Variants in ARSB observed in about 807,000 individuals in gnomAD.
The protein encoded by ARSB is arylsulfatase B.
Under a neutral mutation model 50.9 loss-of-function variants are expected in ARSB, and 41 were observed. The ratio of observed to expected loss-of-function variants is 0.81; its 90% CI spans 0.63 to 1.04. ARSB has a LOEUF of 1.04. ARSB is among the 50% of genes least tolerant of loss of function. The pLI, the probability that ARSB is intolerant of heterozygous loss-of-function variation, is 0.00. For synonymous variants in ARSB, 269 were observed against 284.8 expected (o/e 0.94, Z 0.56); for missense variants, 672 against 693.3 (o/e 0.97, Z 0.35).
intron 5 of ARSB, among the ~76,000 whole-genome samples, chr5:78,862,013 C>T (rs969670970): frequency 5.9e-5 from 9 of 152,152 alleles, no homozygotes; most frequent in Admixed American, 1.3e-4. Context: ...CTCCCATTCA[C>T]AATTGCTTCA....
intron 6 of ARSB, among the ~76,000 whole-genome samples, chr5:78,820,917 T>C (rs1464770742): frequency 6.6e-6 from 1 of 151,860 alleles, no homozygotes; most frequent in Non-Finnish European, 1.5e-5. Context: ...AGACAGATCA[T>C]TGACAGAAAA....
intron 4 of ARSB, among the ~76,000 whole-genome samples, chr5:78,936,229 A>G (rs1750594294): frequency 6.9e-6 from 1 of 145,168 alleles, no homozygotes; most frequent in South Asian, 2.2e-4. Context: ...GGTTCAAGCG[A>G]TTCTCCTGCC....
intron 5 of ARSB, among the ~76,000 whole-genome samples, chr5:78,861,764 G>A (rs751368617): frequency 6.6e-6 from 1 of 152,112 alleles, no homozygotes; most frequent in Non-Finnish European, 1.5e-5. Context: ...TCTGGTCAGG[G>A]CAATCAGGCA....
At chr5:78,891,860 T>C (rs16876048) in intron 4 of ARSB, among the ~76,000 whole-genome samples, 1 of 152,040 alleles carries the variant, frequency 6.6e-6, no homozygotes, top group African/African-American at 2.4e-5. Context: ...GGTCTAGGTG[T>C]TTTATGACCA....
intron 3 of ARSB, among the ~76,000 whole-genome samples, chr5:78,960,865 C>T (rs1253346441): frequency 6.6e-6 from 1 of 152,066 alleles, no homozygotes; most frequent in East Asian, 1.9e-4. Context: ...ACCCGGCTGA[C>T]GGGGGGCTGT....
rs58866633 is a variant in ARSB at position 78,864,760 on chromosome 5, G to A, written c.1142+20824C>T. 6.5e-3 allele frequency among the ~76,000 whole-genome samples: 984 copies of A among 152,314 alleles called. 7 individuals carry two copies. Among genetic ancestry groups the A allele is most frequent in the African/African-American group, 0.023 (944 of 41,566 alleles). On this transcript the variant is annotated intron_variant, in intron 5 of 7. Transcript: ENST00000264914. ...CTAGTTATTTCCTAAATACAAGGGG[G>A]ATACAGACATTGGGTAAATCCGACC... is the stretch of plus-strand genomic sequence containing the variant.
chr5:78,914,497 A>T (rs901211679), intron 4 of ARSB, among the ~76,000 whole-genome samples: 16 of 152,322 alleles, frequency 1.1e-4, no homozygotes, highest in African/African-American at 3.8e-4. Context: ...AGAGAAAAGT[A>T]ACATTTCAGA....
chr5:78,838,083 T>C lies in ARSB; in HGVS notation c.1213+1273A>G, dbSNP rs1005635199. ...GCAAGCTCCCAGTATTTGTGTTAACTGACAAGGATAAAAAAATACAGGAGA... is the reference window on the plus strand; with the variant it reads ...GCAAGCTCCCAGTATTTGTGTTAACCGACAAGGATAAAAAAATACAGGAGA... On this transcript the variant is annotated intron_variant, in intron 6 of 7. Transcript: ENST00000264914. Among the ~76,000 whole-genome samples the C allele has an allele frequency of 2.0e-5, 3 of 152,208 alleles. No individual in the cohort carries two copies. The East Asian group carries it at 5.8e-4, about 29-fold the overall frequency.
chr5:78,871,614 T>C (rs980905851), intron 5 of ARSB, among the ~76,000 whole-genome samples: 20 of 145,312 alleles, frequency 1.4e-4, no homozygotes, highest in African/African-American at 3.5e-4. Context: ...GCTAGCCATA[T>C]GTAGAAAGCT....
rs184145254 is a variant in ARSB, at chr5:78,934,427, T to C, written c.898+20868A>G. On this transcript the variant is annotated intron_variant, in intron 4 of 7. Transcript: ENST00000264914. The stretch of plus-strand genomic sequence containing the variant: ...AAAAATAAAATACTACAATCATTAA[T>C]GGTTAATATTTTGTTATAAATATGA... Among the ~76,000 whole-genome samples, 502 of 152,290 alleles carry C rather than the reference T, an allele frequency of 3.3e-3. 2 individuals carry two copies. Among genetic ancestry groups the C allele is most frequent in the African/African-American group, 0.011 (470 of 41,568 alleles).
At chr5:78,893,882 C>T (rs1748448862) in intron 4 of ARSB, among the ~76,000 whole-genome samples, 1 of 152,074 alleles carries the variant, frequency 6.6e-6, no homozygotes. Flanking sequence ...CAACTAAAAC[C>T]CTGTTTGTTT....
intron 5 of ARSB, among the ~76,000 whole-genome samples, chr5:78,882,322 G>A (rs182774563): frequency 4.8e-4 from 73 of 152,318 alleles, no homozygotes; most frequent in Non-Finnish European, 8.8e-4. Flanking sequence ...GAAAAAATGA[G>A]ACTGAGAGAC....
chr5:78,926,103 A>G (rs1750034595), intron 4 of ARSB, among the ~76,000 whole-genome samples: 1 of 152,188 alleles, frequency 6.6e-6, no homozygotes, highest in Non-Finnish European at 1.5e-5. Flanking sequence ...TATGTTTTAC[A>G]ATATGGATCC....
intron 6 of ARSB, among the ~76,000 whole-genome samples, chr5:78,825,434 T>A (rs1417929545): frequency 3.3e-5 from 5 of 152,128 alleles, no homozygotes; most frequent in African/African-American, 1.2e-4. Flanking sequence ...AAGAAAAAAA[T>A]CCCATATACA....
intron 6 of ARSB, among the ~76,000 whole-genome samples, chr5:78,819,816 G>C (rs1016762135): frequency 6.6e-6 from 1 of 152,260 alleles, no homozygotes; most frequent in Non-Finnish European, 1.5e-5. Context: ...AAGTGCTTTA[G>C]GACAAGCACT....
At chr5:78,784,049 C>A (rs1749015026) in intron 6 of ARSB, among the ~76,000 whole-genome samples, 1 of 152,130 alleles carries the variant, frequency 6.6e-6, no homozygotes, top group Non-Finnish European at 1.5e-5. Context: ...AAGTTGAAGT[C>A]TCCTTTGTTC....
At chr5:78,870,259 T>C (rs1364039911) in intron 5 of ARSB, among the ~76,000 whole-genome samples, 1 of 125,436 alleles carries the variant, frequency 8.0e-6, no homozygotes, top group Non-Finnish European at 1.7e-5. Context: ...GTACCATTCT[T>C]TCTGAAACTA....
chr5:78,814,707 T>C (rs932002848), intron 6 of ARSB, among the ~76,000 whole-genome samples: 6 of 150,808 alleles, frequency 4.0e-5, no homozygotes, highest in African/African-American at 1.2e-4. Context: ...AACTCAGTTA[T>C]ACGGTCTTAC....
At chr5:78,955,181 T>TTTTATTTTAA in intron 4 of ARSB, 114 bp downstream of exon 4, 2 of 1,010,152 alleles carry the variant, frequency 2.0e-6, no homozygotes, top group East Asian at 5.1e-5. Context: ...ACTATTGCAG[T>TTTTATTTTAA]TTGCATTTAT....
Sources: gnomAD v4.1 joint callset for allele counts (sites outside exome capture counted in the v4.1 genomes callset) on GRCh38, gnomAD v4.1.1 for gene constraint, MANE v1.5 for transcripts, NCBI Gene and HGNC (gene_info 2026-07-23, HGNC 2026-07-21) for gene names.